GATA4: variants seen among roughly 807,000 people sequenced by gnomAD.
GATA4 encodes the protein transcription factor GATA-4.
In GATA4, 7 loss-of-function variants were observed where a neutral mutation model predicts 37.9. That is an observed-to-expected ratio of 0.18 (90% CI 0.11 to 0.35). GATA4 has a LOEUF of 0.35. GATA4 is among the 10% of genes least tolerant of loss of function. The pLI, the probability that GATA4 is intolerant of heterozygous loss-of-function variation, is 1.00. For missense variants in GATA4, 647 were observed against 653.0 expected, an observed-to-expected ratio of 0.99 and a Z score of 0.10; for synonymous variants, 372 against 292.6, an observed-to-expected ratio of 1.27 and a Z score of -2.77.
chr8:11,692,498 C>G (rs1799346203), upstream of GATA4: 4 of 985,160 alleles, frequency 4.1e-6, no homozygotes, highest in South Asian at 1.4e-4. Flanking sequence ...CTCCCGTGCA[C>G]AGCGTGAGTA....
At position 11,708,565 on chromosome 8, in the gene GATA4, G is replaced by T. The variant is rs996002593; in HGVS notation, c.253G>T (p.Gly85Cys). Residue 85 changes from glycine (G) to cysteine (C), a missense_variant, in exon 2 of 7, where the codon GGC becomes TGC. By Grantham distance (159) the Gly-to-Cys change is radical. Around this residue, in one of 5 missense-constraint regions of GATA4, gnomAD observed 379 missense variants for 334.5 expected, o/e 1.13. Coordinates refer to ENST00000532059, the MANE Select transcript of GATA4 (RefSeq NM_001308093.3). The surrounding 1 kb of genome is among the most constrained non-coding windows in gnomAD (Gnocchi z 6.7). ...TGGTGCGGGGCCCGGGACCCAGCAGGGCAGCCCGGGATGGAGCCAGGCGGG... is the reference window on the plus strand; with the variant it reads ...TGGTGCGGGGCCCGGGACCCAGCAGTGCAGCCCGGGATGGAGCCAGGCGGG... Reference protein sequence around the residue: ...ASGAGPGTQQGSPGWSQAGAD... With the variant: ...ASGAGPGTQQCSPGWSQAGAD... 3.6e-6 allele frequency: 5 copies of T among 1,385,036 alleles called. No individual in the cohort carries two copies. The African/African-American group carries it at 4.6e-5, about 13-fold the overall frequency. 85.8% of individuals were successfully genotyped at this position (1,385,036 alleles called of 1,614,324 possible). A position where few individuals can be genotyped will look rare whatever the true frequency, so the allele number is the denominator to read the frequency against.
intron 2 of GATA4, among the ~76,000 whole-genome samples, chr8:11,717,888 A>T (rs1398969556): frequency 6.6e-6 from 1 of 152,218 alleles, no homozygotes; most frequent in Non-Finnish European, 1.5e-5. Context: ...TCTGGTGTGC[A>T]GAGAACTAAA....
At chr8:11,735,655 C>T (rs1212954833) in intron 2 of GATA4, among the ~76,000 whole-genome samples, 1 of 152,120 alleles carries the variant, frequency 6.6e-6, no homozygotes, top group Admixed American at 6.6e-5. Flanking sequence ...CTCCTCCTTC[C>T]GGGTTCAAGC....
intron 2 of GATA4, among the ~76,000 whole-genome samples, chr8:11,736,385 G>C (rs767726831): frequency 6.6e-6 from 1 of 152,224 alleles, no homozygotes; most frequent in African/African-American, 2.4e-5. Flanking sequence ...CAGACCAAGA[G>C]AGGTGAAATG....
At chr8:11,735,778 CT>C (rs1421514861) in intron 2 of GATA4, among the ~76,000 whole-genome samples, 1 of 152,224 alleles carries the variant, frequency 6.6e-6, no homozygotes, top group African/African-American at 2.4e-5. Context: ...TCAGGCTGGT[CT>C]CGAACTCCCG....
intron 2 of GATA4, among the ~76,000 whole-genome samples, chr8:11,742,792 C>T (rs758580342): frequency 1.3e-5 from 2 of 152,252 alleles, no homozygotes; most frequent in Non-Finnish European, 2.9e-5. Context: ...AGGCGCCAGC[C>T]GCAGGGACAG....
chr8:11,744,296 C>T (rs1349432646), intron 2 of GATA4, among the ~76,000 whole-genome samples: 2 of 152,232 alleles, frequency 1.3e-5, no homozygotes, highest in African/African-American at 2.4e-5. Context: ...TTGATGTTTG[C>T]AAAGCACTTT....
At chr8:11,719,119 T>G (rs973153279) in intron 2 of GATA4, among the ~76,000 whole-genome samples, 11 of 152,374 alleles carry the variant, frequency 7.2e-5, no homozygotes, top group African/African-American at 2.6e-4. Flanking sequence ...AGTTGTTGTT[T>G]TATCAGCTTG....
chr8:11,680,671 G>A (rs1358838991), intron 1 of GATA4: 2 of 985,130 alleles, frequency 2.0e-6, no homozygotes, highest in Non-Finnish European at 2.4e-6. Flanking sequence ...CGCCCTTTGC[G>A]TCAGAGACCC....
intron 2 of GATA4, among the ~76,000 whole-genome samples, chr8:11,711,546 G>A (rs1356676791): frequency 2.0e-5 from 3 of 152,132 alleles, no homozygotes; most frequent in Non-Finnish European, 4.4e-5. Context: ...GGGAGGCTGA[G>A]GCAGGAGGAT....
chr8:11,683,073 G>C, intron 1 of GATA4: 9 of 985,370 alleles, frequency 9.1e-6, no homozygotes, highest in East Asian at 1.1e-4. Flanking sequence ...TTACCCCCTA[G>C]GTTTTCCCAG....
At chr8:11,687,270 TC>T (rs1041103366) in intron 1 of GATA4, among the ~76,000 whole-genome samples, 5 of 152,142 alleles carry the variant, frequency 3.3e-5, no homozygotes, top group African/African-American at 1.2e-4. Context: ...CCATTTAGCA[TC>T]CCCAGAAATG....
intron 2 of GATA4, among the ~76,000 whole-genome samples, chr8:11,724,946 G>GT (rs1246980567): frequency 6.6e-6 from 1 of 152,244 alleles, no homozygotes; most frequent in Non-Finnish European, 1.5e-5. Flanking sequence ...GGGAAGAGCT[G>GT]TATGTGTAAG....
In GATA4 at chr8:11,709,773, G is replaced by A. The variant is rs1324283944; in HGVS notation, c.616+845G>A. Among the ~76,000 whole-genome samples, 2 of 152,210 alleles carry A rather than the reference G, an allele frequency of 1.3e-5. No individual in the cohort carries two copies. Among genetic ancestry groups the A allele is most frequent in the Non-Finnish European group, 2.9e-5 (2 of 68,028 alleles). ...GTTTCCATCGGATGTCAGACGGGGAGGGACGGCAAACCTGTCTCAACCTCC... is the reference window on the plus strand; with the variant it reads ...GTTTCCATCGGATGTCAGACGGGGAAGGACGGCAAACCTGTCTCAACCTCC... On this transcript the variant is annotated intron_variant, in intron 2 of 6. Transcript: ENST00000532059. The surrounding 1 kb of genome is among the most constrained non-coding windows in gnomAD (Gnocchi z 4.3).
intron 2 of GATA4, among the ~76,000 whole-genome samples, chr8:11,736,736 A>T (rs1801478342): frequency 6.6e-6 from 1 of 152,236 alleles, no homozygotes; most frequent in Non-Finnish European, 1.5e-5. Flanking sequence ...TGCAGCTTAA[A>T]AAAAAAGTGA....
At chr8:11,711,635 C>A (rs951500186) in intron 2 of GATA4, among the ~76,000 whole-genome samples, 3 of 151,436 alleles carry the variant, frequency 2.0e-5, no homozygotes, top group Non-Finnish European at 2.9e-5. Context: ...AAAAAATTAG[C>A]CAGGCTTGGG....
At chr8:11,715,424 A>G (rs1287155048) in intron 2 of GATA4, among the ~76,000 whole-genome samples, 1 of 152,194 alleles carries the variant, frequency 6.6e-6, no homozygotes, top group African/African-American at 2.4e-5. Context: ...TTTAACATAC[A>G]GGGAAGTTAA....
At position 11,709,065 on chromosome 8, in the gene GATA4, G is replaced by T. The variant is rs1246584366; in HGVS notation, c.616+137G>T. 9.7e-6 allele frequency: 9 copies of T among 924,434 alleles called. No homozygotes were observed. In the Admixed American group the frequency reaches 2.8e-4, roughly 29 times the overall value. The allele number at this position is 924,434 out of a possible 1,614,324, so 57.3% of individuals were successfully genotyped here. A position where few individuals can be genotyped will look rare whatever the true frequency, so the allele number is the denominator to read the frequency against. Reference sequence around the variant, plus strand: ...TGCTTCACTACCTCGAGTTTCTAGGGAAGGCAGAAGCCAGTGCGGGGCTGG... The same window carrying T: ...TGCTTCACTACCTCGAGTTTCTAGGTAAGGCAGAAGCCAGTGCGGGGCTGG... On this transcript the variant is annotated intron_variant, in intron 2 of 6. Transcript: ENST00000532059. The surrounding 1 kb of genome is among the most constrained non-coding windows in gnomAD (Gnocchi z 4.3).
intron 1 of GATA4, among the ~76,000 whole-genome samples, chr8:11,685,984 G>A (rs1043567897): frequency 1.3e-5 from 2 of 152,224 alleles, no homozygotes; most frequent in Non-Finnish European, 2.9e-5. Flanking sequence ...GAGCCAAAGC[G>A]GAGGACAGGA....
Sources: allele counts gnomAD v4.1 joint callset (sites outside exome capture counted in the v4.1 genomes callset), GRCh38; gene constraint gnomAD v4.1.1; regional missense constraint gnomAD v4.1.1; non-coding constraint Gnocchi (gnomAD v3.1); transcripts MANE v1.5; gene names NCBI Gene and HGNC (gene_info 2026-07-23, HGNC 2026-07-21).